CDC6: variants seen among roughly 807,000 people sequenced by gnomAD.
CDC6 encodes cell division cycle 6, also known as DNA replication factor CDC6.
A neutral mutation model predicts 60.2 loss-of-function variants in CDC6; 46 were observed. The ratio of observed to expected loss-of-function variants is 0.76; its 90% CI spans 0.60 to 0.98. The LOEUF (loss-of-function observed/expected upper bound fraction) is 0.98, where lower values mean the gene tolerates loss of function less well. Among genes scored for constraint, CDC6 ranks in the 50% least tolerant of loss-of-function variants. The probability of loss-of-function intolerance (pLI) is 0.00; values close to 1 mark genes in which losing one functional copy is unlikely to be tolerated. For missense variants in CDC6, 596 were observed against 652.9 expected (o/e 0.91, Z 0.95); for synonymous variants, 210 against 233.2 (o/e 0.90, Z 0.90).
At chr17:40,293,763 A>G in intron 5 of CDC6, 132 bp downstream of exon 5, 3 of 903,306 alleles carry the variant, frequency 3.3e-6, no homozygotes, top group South Asian at 1.4e-5. Context: ...GAAGGAAGAT[A>G]CACCTAATTT....
chr17:40,298,212 G>C (rs910205063), intron 9 of CDC6, among the ~76,000 whole-genome samples: 2 of 152,036 alleles, frequency 1.3e-5, no homozygotes, highest in Non-Finnish European at 2.9e-5. Context: ...TTAGATACTG[G>C]TTTCTTCCTC....
chr17:40,290,610 T>C (rs1391093312), intron 2 of CDC6, among the ~76,000 whole-genome samples: 1 of 152,196 alleles, frequency 6.6e-6, no homozygotes, highest in East Asian at 1.9e-4. Flanking sequence ...AGTGGACGCC[T>C]GCAATCGAGG....
intron 5 of CDC6, 60 bp from the exon 6 acceptor site, chr17:40,293,890 T>C (rs764719163): frequency 5.3e-5 from 73 of 1,384,588 alleles, no homozygotes; most frequent in Non-Finnish European, 7.0e-5. Context: ...AGTCAGCCTA[T>C]ATCAAACATT....
At position 40,301,880 on chromosome 17, in the gene CDC6, C is replaced by T. The variant is rs754395027; in HGVS notation, c.1594-32C>T. ...GACAACTTTGCTTTTGTGAGTTCCC[C>T]AGTGTGAAAAATCCTTTTCTCTTCT... On this transcript the variant is annotated intron_variant, in intron 11 of 11. Transcript: ENST00000209728. 11 of 1,362,734 alleles carry T rather than the reference C, an allele frequency of 8.1e-6. 1 individual carries two copies. The South Asian group carries it at 1.0e-4, about 13-fold the overall frequency. 84.4% of individuals were successfully genotyped at this position (1,362,734 alleles called of 1,614,324 possible).
chr17:40,289,432 C>T lies in CDC6; in HGVS notation c.12C>T (p.Thr4=). 2 of 1,613,858 alleles carry T rather than the reference C, an allele frequency of 1.2e-6. No homozygotes were observed. Among genetic ancestry groups the T allele is most frequent in the East Asian group, 2.2e-5 (1 of 44,876 alleles). ...GCTGTGCTGTCGTCATGCCTCAAAC[C>T]CGATCCCAGGCACAGGCTACAATCA... MPQ[T]RSQAQATISF... The change falls in exon 2 of 12, where the codon ACC becomes ACT. Residue 4 remains threonine (T), a synonymous_variant. Transcript: ENST00000209728.
intron 5 of CDC6, 50 bp from the exon 6 acceptor site, chr17:40,293,900 T>C: frequency 6.8e-7 from 1 of 1,468,392 alleles, no homozygotes; most frequent in African/African-American, 1.4e-5. Flanking sequence ...TATCAAACAT[T>C]AGAGGGTTAA....
intron 9 of CDC6, among the ~76,000 whole-genome samples, chr17:40,299,691 G>A (rs1315341273): frequency 6.6e-6 from 1 of 150,466 alleles, no homozygotes; most frequent in Admixed American, 6.6e-5. Flanking sequence ...TTGAGCTAAG[G>A]AGTTCAAGAC....
At chr17:40,289,875 ATTT>A (rs5820342) in intron 2 of CDC6, among the ~76,000 whole-genome samples, 11 of 117,614 alleles carry the variant, frequency 9.4e-5, no homozygotes, top group African/African-American at 3.3e-4. Context: ...AGCCTGGCTA[ATTT>A]TTTTTTTTTT....
At position 40,291,620 on chromosome 17, in the gene CDC6, T is replaced by C; in HGVS notation, c.612T>C (p.Pro204=). ...KAGSLYLSGA[P]GTGKTACLSR... The stretch of plus-strand genomic sequence containing the variant: ...GAAGCCTTTACCTTTCTGGTGCTCC[T>C]GGAACTGGAAAAACTGCCTGCTTAA... Residue 204 remains proline (P), a synonymous_variant, in exon 4 of 12, where the codon CCT becomes CCC. Transcript: ENST00000209728. 1 of 1,614,262 alleles carries C rather than the reference T, an allele frequency of 6.2e-7. No homozygotes were observed. Among genetic ancestry groups the C allele is most frequent in the Non-Finnish European group, 8.5e-7 (1 of 1,180,046 alleles).
chr17:40,296,985 C>T (rs569159413), intron 9 of CDC6, among the ~76,000 whole-genome samples: 20 of 152,250 alleles, frequency 1.3e-4, no homozygotes, highest in Admixed American at 5.2e-4. Context: ...GTATTGATTG[C>T]GTAAATGGCT....
chr17:40,301,731 A>G (rs2032943177), intron 11 of CDC6, 123 bp downstream of exon 11: 7 of 1,064,794 alleles, frequency 6.6e-6, no homozygotes, highest in Non-Finnish European at 1.0e-5. Flanking sequence ...TTTGTTAGGT[A>G]AGGTTTAAGG....
chr17:40,294,160 C>A, intron 6 of CDC6, 104 bp downstream of exon 6: 1 of 1,049,802 alleles, frequency 9.5e-7, no homozygotes, highest in East Asian at 2.4e-5. Context: ...AGCTTTCTGC[C>A]GTGTCAAAAT....
At chr17:40,290,637 CATATACTGTGTTTTTGATT>C (rs2032741957) in intron 2 of CDC6, among the ~76,000 whole-genome samples, 1 of 152,166 alleles carries the variant, frequency 6.6e-6, no homozygotes, top group African/African-American at 2.4e-5. Context: ...CCAAACCCTA[CATATACTGTGTTTTTGATT>C]TGATAACCAA....
At chr17:40,292,855 C>T (rs1456445386) in intron 4 of CDC6, among the ~76,000 whole-genome samples, 1 of 151,160 alleles carries the variant, frequency 6.6e-6, no homozygotes, top group Non-Finnish European at 1.5e-5. Flanking sequence ...GGCGTGAACC[C>T]ACAGGTGGAG....
At chr17:40,301,700 A>G in intron 11 of CDC6, 92 bp downstream of exon 11, 1 of 1,395,250 alleles carries the variant, frequency 7.2e-7, no homozygotes, top group Non-Finnish European at 1.0e-6. Context: ...AGATGACCAC[A>G]GTTAGTTAAA....
chr17:40,292,251 A>C (rs542673140), intron 4 of CDC6, among the ~76,000 whole-genome samples: 2 of 149,768 alleles, frequency 1.3e-5, no homozygotes, highest in Non-Finnish European at 3.0e-5. Context: ...CTTGTCCTGA[A>C]CTCCTGAGCT....
chr17:40,302,239 C>T lies in CDC6; in HGVS notation c.*238C>T. The T allele has an allele frequency of 3.8e-6, 2 of 525,070 alleles. No individual in the cohort carries two copies. Among genetic ancestry groups the T allele is most frequent in the Admixed American group, 3.2e-5 (1 of 30,836 alleles). The allele number at this position is 525,070 out of a possible 1,614,324, so 32.5% of individuals were successfully genotyped here. A position where few individuals can be genotyped will look rare whatever the true frequency, so the allele number is the denominator to read the frequency against. ...TTTTTAATTACATTCACTACTTCTA[C>T]CACTTGTGTATCTCTAGCCAATGTG... On this transcript the variant is annotated 3_prime_UTR_variant, in exon 12 of 12. Coordinates refer to ENST00000209728, the MANE Select transcript of CDC6 (RefSeq NM_001254.4).
Position 40,291,672 on chromosome 17 carries a change from C to CATTGAG in CDC6, c.660+6_660+11dup. On this transcript the variant is annotated splice_donor_region_variant and intron_variant, in intron 4 of 11. Transcript: ENST00000209728. ...CCGGATTCTGCAAGACCTCAAGGTA[C>CATTGAG]ATTGAGAGTCTGAATTATGATACTC... 1.2e-6 allele frequency: 2 copies of CATTGAG among 1,611,284 alleles called. No individual in the cohort carries two copies. The highest frequency in any genetic ancestry group is 1.7e-6 in the Non-Finnish European group (2 of 1,177,418).
At chr17:40,289,259 G>T in intron 1 of CDC6, 149 bp from the exon 2 acceptor site, 1 of 711,654 alleles carries the variant, frequency 1.4e-6, no homozygotes, top group Non-Finnish European at 2.4e-6. Flanking sequence ...GCATAGATTT[G>T]GATGTGAAGC....
Sources: gnomAD v4.1 joint callset for allele counts (sites outside exome capture counted in the v4.1 genomes callset) on GRCh38, gnomAD v4.1.1 for gene constraint, MANE v1.5 for transcripts, NCBI Gene and HGNC (gene_info 2026-07-23, HGNC 2026-07-21) for gene names.